RFX2: variants seen among roughly 807,000 people sequenced by gnomAD.
RFX2 encodes DNA-binding protein RFX2.
RFX2 carries 20 observed loss-of-function variants against 87.8 expected under a neutral mutation model. The ratio of observed to expected loss-of-function variants is 0.23; its 90% CI spans 0.16 to 0.33. The LOEUF (loss-of-function observed/expected upper bound fraction) is 0.33. RFX2 is among the 10% of genes least tolerant of loss of function. The pLI is 1.00. For missense variants in RFX2, 767 were observed against 1,012.3 expected, an observed-to-expected ratio of 0.76 and a Z score of 3.29; for synonymous variants, 397 against 431.3, an observed-to-expected ratio of 0.92 and a Z score of 0.98.
intron 7 of RFX2, among the ~76,000 whole-genome samples, chr19:6,014,979 A>G (rs1265310591): frequency 6.6e-6 from 1 of 152,066 alleles, no homozygotes. Context: ...AGCCTACTGC[A>G]CTCTCTGGGC....
In RFX2 at chr19:6,027,600, C is replaced by G. The variant is rs915763639; in HGVS notation, c.523-1363G>C. 3.9e-5 allele frequency among the ~76,000 whole-genome samples: 6 copies of G among 152,210 alleles called. No homozygotes were observed. Among genetic ancestry groups the G allele is most frequent in the Non-Finnish European group, 7.3e-5 (5 of 68,042 alleles). On this transcript the variant is annotated intron_variant, in intron 5 of 17. Transcript: ENST00000303657. This position sits in a 1 kb window ranked among gnomAD's most constrained non-coding sequence, Gnocchi z 5.0. ...AGCAGAGTGCATGACCTCTGGAAGT[C>G]TGCCCTAATCTCAGGGGGCCTTGTC...
At chr19:6,051,961 T>C (rs1420704720) in intron 1 of RFX2, among the ~76,000 whole-genome samples, 1 of 152,134 alleles carries the variant, frequency 6.6e-6, no homozygotes, top group Admixed American at 6.6e-5. Flanking sequence ...CACTGCAAGC[T>C]CCACCTCCCA....
chr19:6,091,404 C>T (rs1239793523), intron 1 of RFX2, among the ~76,000 whole-genome samples: 1 of 150,958 alleles, frequency 6.6e-6, no homozygotes, highest in African/African-American at 2.4e-5. Flanking sequence ...GCCATGATCG[C>T]ACCACCCCAC....
Position 6,058,163 on chromosome 19 carries a change from C to T in RFX2, c.-8-10659G>A, listed in dbSNP as rs530312226. 2.6e-5 allele frequency among the ~76,000 whole-genome samples: 4 copies of T among 152,304 alleles called. No individual in the cohort carries two copies. In the East Asian group the frequency reaches 5.8e-4, roughly 22 times the overall value. On this transcript the variant is annotated intron_variant, in intron 1 of 17. Transcript: ENST00000303657. ...CACTTGGCACTGTGGACATTGGGGA[C>T]GGATCCATCTCTGGGCTGGGGCCGT...
At chr19:6,059,125 G>A (rs2087391561) in intron 1 of RFX2, among the ~76,000 whole-genome samples, 1 of 152,040 alleles carries the variant, frequency 6.6e-6, no homozygotes, top group Non-Finnish European at 1.5e-5. Context: ...AACTATAGGT[G>A]AGCACCAGCA....
rs373035966 is a variant in RFX2 at position 6,046,561 on chromosome 19, C to T, written c.90+846G>A. 4.0e-5 allele frequency among the ~76,000 whole-genome samples: 6 copies of T among 148,354 alleles called. No homozygotes were observed. In the East Asian group the frequency reaches 5.8e-4, roughly 14 times the overall value. On this transcript the variant is annotated intron_variant, in intron 2 of 17. Transcript: ENST00000303657. ...GCGACAGAGCGAGACTCCGTCCCCC[C>T]CCAAAAAAAAAAAAAAATTCTAACT...
chr19:6,105,630 T>C (rs572870673), intron 1 of RFX2, among the ~76,000 whole-genome samples: 11 of 152,118 alleles, frequency 7.2e-5, no homozygotes, highest in Non-Finnish European at 1.5e-4. Flanking sequence ...GCTGAGAGAC[T>C]GCCGAGCACC....
rs1006574045 is a variant in RFX2 at position 6,039,362 on chromosome 19, C to A, written c.522+618G>T. On this transcript the variant is annotated intron_variant, in intron 5 of 17. Transcript: ENST00000303657. The surrounding 1 kb of genome is among the most constrained non-coding windows in gnomAD (Gnocchi z 5.2). ...ACGAGGGGGTTTTCAGGGCAATGCA[C>A]TGTTCTGTGACCTGATTATACACAA... is the stretch of plus-strand genomic sequence containing the variant. Among the ~76,000 whole-genome samples, 2 of 152,202 alleles carry A rather than the reference C, an allele frequency of 1.3e-5. No individual in the cohort carries two copies. Among genetic ancestry groups the A allele is most frequent in the Non-Finnish European group, 2.9e-5 (2 of 68,036 alleles).
At chr19:6,082,290 T>C (rs1187055358) in intron 1 of RFX2, among the ~76,000 whole-genome samples, 1 of 98,342 alleles carries the variant, frequency 1.0e-5, no homozygotes, top group African/African-American at 5.3e-5. Flanking sequence ...TAAGACCCTG[T>C]CTCAAAAAAA....
At chr19:6,085,154 G>A (rs2087839717) in intron 1 of RFX2, among the ~76,000 whole-genome samples, 1 of 152,094 alleles carries the variant, frequency 6.6e-6, no homozygotes, top group South Asian at 2.1e-4. Context: ...ATGCTGCTAT[G>A]AACATGAGTG....
chr19:6,105,047 G>A (rs1048143451), intron 1 of RFX2, among the ~76,000 whole-genome samples: 4 of 150,800 alleles, frequency 2.7e-5, no homozygotes, highest in African/African-American at 9.8e-5. Flanking sequence ...GAACCTGGGT[G>A]TCAGAGGTTG....
rs1487861301 is a variant in RFX2 at position 6,044,519 on chromosome 19, A to G, written c.91-237T>C. Among the ~76,000 whole-genome samples, 1 of 152,246 alleles carries G rather than the reference A, an allele frequency of 6.6e-6. No individual in the cohort carries two copies. Among genetic ancestry groups the G allele is most frequent in the Non-Finnish European group, 1.5e-5 (1 of 68,046 alleles). Reference sequence around the variant, plus strand: ...TGCACATACATACACAAGTGTGCACATACACTCAGCCCATGCACCACACAT... The same window carrying G: ...TGCACATACATACACAAGTGTGCACGTACACTCAGCCCATGCACCACACAT... On this transcript the variant is annotated intron_variant, in intron 2 of 17. Coordinates refer to ENST00000303657, the MANE Select transcript of RFX2 (RefSeq NM_000635.4). The surrounding 1 kb of genome is among the most constrained non-coding windows in gnomAD (Gnocchi z 5.3).
intron 15 of RFX2, among the ~76,000 whole-genome samples, chr19:6,000,413 TAA>T (rs1380912125): frequency 2.6e-5 from 4 of 152,262 alleles, no homozygotes; most frequent in African/African-American, 9.6e-5. Flanking sequence ...GAGGTTCCAA[TAA>T]AACTTTATTT....
At chr19:6,067,732 G>T (rs984398800) in intron 1 of RFX2, among the ~76,000 whole-genome samples, 1 of 152,124 alleles carries the variant, frequency 6.6e-6, no homozygotes, top group Non-Finnish European at 1.5e-5. Flanking sequence ...TTTTTGGTGG[G>T]CCCAGCCAAG....
rs541309406 is a variant in RFX2 at position 5,996,980 on chromosome 19, C to T, written c.2013+80G>A. ...GCAGTGGGACCTGCGAGTGTCCTCT[C>T]TCTGGGCTGCTCAGAGCACACCGCC... On this transcript the variant is annotated intron_variant, in intron 16 of 17. Coordinates refer to ENST00000303657, the MANE Select transcript of RFX2 (RefSeq NM_000635.4). The T allele has an allele frequency of 3.7e-5, 54 of 1,446,654 alleles. No homozygotes were observed. In the African/African-American group the frequency reaches 7.4e-4, roughly 20 times the overall value. 89.6% of individuals were successfully genotyped at this position (1,446,654 alleles called of 1,614,324 possible). A position where few individuals can be genotyped will look rare whatever the true frequency, so the allele number is the denominator to read the frequency against.
In RFX2 at chr19:6,012,853, A is replaced by C; in HGVS notation, c.899+133T>G. On this transcript the variant is annotated intron_variant, in intron 8 of 17. Transcript: ENST00000303657. This position sits in a 1 kb window ranked among gnomAD's most constrained non-coding sequence, Gnocchi z 4.6. ...GCTAGACTCACCTCAGTCTCAGCAG[A>C]GGGGGATACCTTGGCTTTCCCAGGA... 1.1e-6 allele frequency: 1 copy of C among 876,460 alleles called. No individual in the cohort carries two copies. The highest frequency in any genetic ancestry group is 1.6e-6 in the Non-Finnish European group (1 of 628,578). The allele number at this position is 876,460 out of a possible 1,614,324, so 54.3% of individuals were successfully genotyped here.
At position 6,063,644 on chromosome 19, in the gene RFX2, G is replaced by A. The variant is rs1218829179; in HGVS notation, c.-8-16140C>T. ...CCAGCAGCTCCAAAGGGGATCCCAG[G>A]CAAGTGATGAGCAGTGGGGAAACCC... On this transcript the variant is annotated intron_variant, in intron 1 of 17. Transcript: ENST00000303657. The surrounding 1 kb of genome is among the most constrained non-coding windows in gnomAD (Gnocchi z 4.0). Among the ~76,000 whole-genome samples the A allele has an allele frequency of 6.6e-6, 1 of 152,218 alleles. No homozygotes were observed. The highest frequency in any genetic ancestry group is 1.9e-4 in the East Asian group (1 of 5,194).
chr19:6,068,471 G>A (rs992546253), intron 1 of RFX2: 3 of 152,218 alleles, frequency 2.0e-5, no homozygotes, highest in African/African-American at 2.4e-5. Context: ...ATCATATGGT[G>A]ACAAGTACCA....
intron 1 of RFX2, among the ~76,000 whole-genome samples, chr19:6,108,974 G>A (rs1012469082): frequency 3.3e-5 from 5 of 151,968 alleles, no homozygotes; most frequent in Non-Finnish European, 5.9e-5. Context: ...CTTCTCGGAG[G>A]GAGGAAAAAG....
Sources: gnomAD v4.1 joint callset for allele counts (sites outside exome capture counted in the v4.1 genomes callset) on GRCh38, gnomAD v4.1.1 for gene constraint, Gnocchi (gnomAD v3.1) non-coding constraint, MANE v1.5 for transcripts, NCBI Gene and HGNC (gene_info 2026-07-23, HGNC 2026-07-21) for gene names.